PTPRD: variants seen among roughly 807,000 people sequenced by gnomAD.
PTPRD encodes the protein protein tyrosine phosphatase receptor type D, also known as receptor-type tyrosine-protein phosphatase delta.
Under a neutral mutation model 214.5 loss-of-function variants are expected in PTPRD, and 34 were observed. The observed-to-expected ratio is 0.16, with a 90% CI of 0.12 to 0.21. The LOEUF is 0.21. Ranked by LOEUF, PTPRD falls within the 10% of genes least tolerant of loss-of-function variation. The pLI is 1.00. For synonymous variants in PTPRD, 1,128 were observed against 845.7 expected (o/e 1.33, Z -5.79); for missense variants, 2,545 against 2,398.7 (o/e 1.06, Z -1.27).
rs569941896 is a variant in PTPRD, at chr9:8,781,662, T to C, written c.-103-47716A>G. Reference sequence around the variant, plus strand: ...CAATAATGGACTCTGGGGCAGTGCTTTAATGAAATGAAATGAATTCCAAGG... The same window carrying C: ...CAATAATGGACTCTGGGGCAGTGCTCTAATGAAATGAAATGAATTCCAAGG... On this transcript the variant is annotated intron_variant, in intron 11 of 45. Coordinates refer to ENST00000381196, the MANE Select transcript of PTPRD (RefSeq NM_002839.4). Among the ~76,000 whole-genome samples, 33 of 14,532 alleles carry C rather than the reference T, an allele frequency of 2.3e-3. No homozygotes were observed. The African/African-American group carries it at 0.028, about 12-fold the overall frequency. The allele number at this position is 14,532 out of a possible 152,430, so 9.5% of individuals were successfully genotyped here.
chr9:9,218,291 A>G (rs985147108), intron 9 of PTPRD, among the ~76,000 whole-genome samples: 2 of 152,156 alleles, frequency 1.3e-5, no homozygotes, highest in Non-Finnish European at 2.9e-5. Flanking sequence ...GATCCGGATT[A>G]GATAGGCCTT....
intron 11 of PTPRD, among the ~76,000 whole-genome samples, chr9:8,903,050 A>C (rs1476373611): frequency 2.0e-5 from 3 of 152,200 alleles, no homozygotes. Context: ...TGAAACATCA[A>C]ATAGTGAAAA....
At chr9:9,043,084 A>G (rs1399389724) in intron 10 of PTPRD, among the ~76,000 whole-genome samples, 1 of 152,186 alleles carries the variant, frequency 6.6e-6, no homozygotes, top group Admixed American at 6.6e-5. Flanking sequence ...TGAACTCCCA[A>G]TAAATTTACA....
chr9:9,435,053 C>G (rs542266667), intron 8 of PTPRD, among the ~76,000 whole-genome samples: 89 of 151,692 alleles, frequency 5.9e-4, no homozygotes, highest in African/African-American at 2.1e-3. Flanking sequence ...ATAATTAGGT[C>G]CAGATAATTT....
intron 4 of PTPRD, among the ~76,000 whole-genome samples, chr9:9,982,478 GTGT>G (rs1275722197): frequency 0.02 from 2,929 of 148,856 alleles, 43 homozygotes; most frequent in Middle Eastern, 0.031. Context: ...TGGTGGTGGT[GTGT>G]GTGTGTGTGT....
At chr9:10,141,454 A>G (rs1211476727) in intron 3 of PTPRD, among the ~76,000 whole-genome samples, 1 of 151,562 alleles carries the variant, frequency 6.6e-6, no homozygotes, top group African/African-American at 2.4e-5. Flanking sequence ...TTATACAACA[A>G]CAAGAGACAA....
At chr9:8,589,915 G>C (rs767028063) in intron 14 of PTPRD, among the ~76,000 whole-genome samples, 2 of 152,116 alleles carry the variant, frequency 1.3e-5, no homozygotes, top group African/African-American at 2.4e-5. Context: ...TGTAAATTAG[G>C]AAATTTTCTG....
At chr9:9,597,182 C>A (rs149766403) in intron 7 of PTPRD, among the ~76,000 whole-genome samples, 1 of 152,064 alleles carries the variant, frequency 6.6e-6, no homozygotes, top group Non-Finnish European at 1.5e-5. Context: ...TAAAAATCAT[C>A]CTTAAAACAG....
At chr9:8,758,907 G>C (rs897831313) in intron 11 of PTPRD, among the ~76,000 whole-genome samples, 2 of 151,934 alleles carry the variant, frequency 1.3e-5, no homozygotes, top group Non-Finnish European at 2.9e-5. Flanking sequence ...GGATGGTCTC[G>C]ATCTCCTGAC....
At chr9:9,919,042 C>A (rs1260345241) in intron 5 of PTPRD, among the ~76,000 whole-genome samples, 1 of 152,018 alleles carries the variant, frequency 6.6e-6, no homozygotes, top group Non-Finnish European at 1.5e-5. Flanking sequence ...TAACATCTGG[C>A]AGCCTTTTAT....
At chr9:9,251,570 CA>C (rs779510686) in intron 9 of PTPRD, among the ~76,000 whole-genome samples, 1 of 151,980 alleles carries the variant, frequency 6.6e-6, no homozygotes, top group Admixed American at 6.6e-5. Context: ...TTCCTTCGGG[CA>C]AATATTGCAT....
In PTPRD at chr9:9,698,541, C is replaced by T. The variant is rs527958802; in HGVS notation, c.-287+35992G>A. On this transcript the variant is annotated intron_variant, in intron 7 of 45. Transcript: ENST00000381196. ...AGTATGGTCCTGCTGGATGGCTACTCTAATTTGGCATCTCCTTTGGCTGGG... is the reference window on the plus strand; with the variant it reads ...AGTATGGTCCTGCTGGATGGCTACTTTAATTTGGCATCTCCTTTGGCTGGG... 2.6e-5 allele frequency among the ~76,000 whole-genome samples: 4 copies of T among 152,254 alleles called. No homozygotes were observed. In the South Asian group the frequency reaches 6.2e-4, roughly 24 times the overall value.
At chr9:9,907,638 G>T (rs2077979445) in intron 5 of PTPRD, among the ~76,000 whole-genome samples, 1 of 151,824 alleles carries the variant, frequency 6.6e-6, no homozygotes, top group Non-Finnish European at 1.5e-5. Context: ...AAGTCACATT[G>T]GGGATTAGGG....
At chr9:9,956,455 T>A (rs1325092995) in intron 4 of PTPRD, among the ~76,000 whole-genome samples, 1 of 152,152 alleles carries the variant, frequency 6.6e-6, no homozygotes, top group Non-Finnish European at 1.5e-5. Flanking sequence ...CAGTTCATTG[T>A]TTTTAATATG....
intron 3 of PTPRD, among the ~76,000 whole-genome samples, chr9:10,139,676 A>G (rs1038197199): frequency 6.6e-6 from 1 of 152,084 alleles, no homozygotes; most frequent in African/African-American, 2.4e-5. Context: ...TCACAAGGCT[A>G]GGACAAAAAC....
chr9:9,911,289 T>C (rs536450508), intron 5 of PTPRD, among the ~76,000 whole-genome samples: 1 of 152,230 alleles, frequency 6.6e-6, no homozygotes, highest in South Asian at 2.1e-4. Context: ...ACACTTCTTA[T>C]AGCTAAATGC....
At chr9:8,731,298 G>A (rs2098655985) in intron 12 of PTPRD, among the ~76,000 whole-genome samples, 1 of 152,126 alleles carries the variant, frequency 6.6e-6, no homozygotes, top group African/African-American at 2.4e-5. Flanking sequence ...TTCAAAGGAG[G>A]ACAAACATTT....
intron 12 of PTPRD, among the ~76,000 whole-genome samples, chr9:8,699,508 G>T (rs1565378164): frequency 1.3e-5 from 2 of 151,896 alleles, no homozygotes. Context: ...ATTTAACAAA[G>T]GAAAACAAAG....
rs190994142 is a variant in PTPRD at position 9,126,791 on chromosome 9, G to C, written c.-143+56513C>G. On this transcript the variant is annotated intron_variant, in intron 10 of 45. Coordinates refer to ENST00000381196, the MANE Select transcript of PTPRD (RefSeq NM_002839.4). ...ATGCTTTTGTACTGCTTCATTTGTT[G>C]TTGTGCATTTGTAAGATTATTGTAA... Among the ~76,000 whole-genome samples the C allele has an allele frequency of 4.6e-3, 702 of 152,192 alleles. 10 individuals are homozygous for C. The highest frequency in any genetic ancestry group is 0.016 in the African/African-American group (648 of 41,556).
Sources: allele counts gnomAD v4.1 joint callset (sites outside exome capture counted in the v4.1 genomes callset), GRCh38; gene constraint gnomAD v4.1.1; transcripts MANE v1.5; gene names NCBI Gene and HGNC (gene_info 2026-07-23, HGNC 2026-07-21).